The following RPL5 variants were observed in gnomAD, a reference collection of about 807,000 sequenced individuals.
RPL5 encodes ribosomal protein L5.
RPL5 carries 1 observed loss-of-function variant against 38.4 expected under a neutral mutation model. The observed-to-expected ratio is 0.03, with a 90% CI of 0.01 to 0.12. The LOEUF is 0.12. Among genes scored for constraint, RPL5 ranks in the 10% least tolerant of loss-of-function variants. The pLI is 1.00. For missense variants in RPL5, 243 were observed against 374.1 expected (o/e 0.65, Z 2.89); for synonymous variants, 109 against 121.2 (o/e 0.90, Z 0.66).
chr1:92,836,127 C>A, intron 4 of RPL5, 63 bp from the exon 5 acceptor site: 1 of 1,455,526 alleles, frequency 6.9e-7, no homozygotes, highest in Non-Finnish European at 9.6e-7. Context: ...ATGACATAAG[C>A]TATTTTAATT....
Position 92,836,221 on chromosome 1 carries a change from A to G in RPL5, c.356A>G (p.Tyr119Cys), listed in dbSNP as rs376960219. 1.4e-5 allele frequency: 22 copies of G among 1,612,886 alleles called. No individual in the cohort carries two copies. The highest frequency in any genetic ancestry group is 3.3e-5 in the Admixed American group (2 of 60,004). ...LLNRFGMDKIYEGQVEVTGDE... is the reference protein window; with the variant it reads ...LLNRFGMDKICEGQVEVTGDE... ...AATAGGTTTGGCATGGACAAGATCT[A>G]TGAAGGCCAAGTGGAGGTGACTGGT... Residue 119 changes from tyrosine (Y) to cysteine (C), a missense_variant, in exon 5 of 8, where the codon TAT becomes TGT. Transcript: ENST00000370321.
intron 5 of RPL5, chr1:92,837,221 T>C: frequency 1.4e-6 from 1 of 693,328 alleles, no homozygotes; most frequent in South Asian, 1.4e-5. Context: ...GTGGAAAGCC[T>C]TGGTAATGGC....
At chr1:92,840,987 T>C in intron 7 of RPL5, 1 of 404,032 alleles carries the variant, frequency 2.5e-6, no homozygotes, top group Non-Finnish European at 4.8e-6. Context: ...GGCCCACAAA[T>C]ACAATGTATA....
intron 7 of RPL5, 28 bp from the exon 8 acceptor site, chr1:92,841,738 A>G: frequency 6.7e-7 from 1 of 1,485,500 alleles, no homozygotes; most frequent in Non-Finnish European, 9.3e-7. Context: ...GTTATAGTTT[A>G]AAAAATATAT....
In RPL5 at chr1:92,836,213, C is replaced by G. The variant is rs1292370167; in HGVS notation, c.348C>G (p.Asp116Glu). 6.2e-7 allele frequency: 1 copy of G among 1,612,626 alleles called. No individual in the cohort carries two copies. The highest frequency in any genetic ancestry group is 1.1e-5 in the South Asian group (1 of 91,012). Residue 116 changes from aspartate to glutamate, a missense_variant, in exon 5 of 8, where the codon GAC becomes GAG. By Grantham distance (45) the Asp-to-Glu change is conservative (BLOSUM62 2). Transcript: ENST00000370321. Reference sequence around the variant, plus strand: ...AGCTTCTCAATAGGTTTGGCATGGACAAGATCTATGAAGGCCAAGTGGAGG... The same window carrying G: ...AGCTTCTCAATAGGTTTGGCATGGAGAAGATCTATGAAGGCCAAGTGGAGG... Reference protein sequence around the residue: ...ARRLLNRFGMDKIYEGQVEVT... With the variant: ...ARRLLNRFGMEKIYEGQVEVT...
intron 4 of RPL5, 178 bp downstream of exon 4, chr1:92,835,091 G>A: frequency 4.7e-6 from 4 of 850,338 alleles, no homozygotes; most frequent in Non-Finnish European, 7.4e-6. Flanking sequence ...AAAATTTTCT[G>A]CAATGACACA....
intron 1 of RPL5, 57 bp downstream of exon 1, chr1:92,832,174 C>T (rs1424617731): frequency 9.3e-6 from 15 of 1,610,530 alleles, no homozygotes; most frequent in African/African-American, 2.7e-5. Flanking sequence ...CTTTTCTTGC[C>T]CGTATGCCAG....
At chr1:92,832,307 G>T (rs539627770) in intron 1 of RPL5, 190 bp downstream of exon 1, 1 of 873,636 alleles carries the variant, frequency 1.1e-6, no homozygotes, top group Non-Finnish European at 1.8e-6. Context: ...AACTTGGGGG[G>T]AGGGGTTGGC....
At chr1:92,837,685 TTA>T (rs778959768) in intron 6 of RPL5, 52 bp downstream of exon 6, 1 of 1,497,596 alleles carries the variant, frequency 6.7e-7, no homozygotes, top group South Asian at 1.1e-5. Flanking sequence ...GGAAATAGGT[TTA>T]TTACTTGTTT....
chr1:92,832,212 G>A lies in RPL5; in HGVS notation c.3+95G>A, dbSNP rs992679960. On this transcript the variant is annotated intron_variant, in intron 1 of 7. Transcript: ENST00000370321. The stretch of plus-strand genomic sequence containing the variant: ...TAGGGCCCGTCTCGCGCGTCGCAGG[G>A]GCCGGATGGCGTTAGATTGCTAGCT... 55 of 1,571,822 alleles carry A rather than the reference G, an allele frequency of 3.5e-5. 2 individuals carry two copies. In the Admixed American group the frequency reaches 4.6e-4, roughly 13 times the overall value.
At chr1:92,832,271 C>A in intron 1 of RPL5, 154 bp downstream of exon 1, 1 of 1,246,936 alleles carries the variant, frequency 8.0e-7, no homozygotes. Context: ...CCAGCGTGGC[C>A]TTAAATGGCT....
rs574546327 is a variant in RPL5, at chr1:92,834,896, C to T, written c.307C>T (p.Leu103=). 3 of 1,602,168 alleles carry T rather than the reference C, an allele frequency of 1.9e-6. No individual in the cohort carries two copies. The Admixed American group carries it at 5.0e-5, about 27-fold the overall frequency. The change falls in exon 4 of 8, where the codon CTG becomes TTG. Residue 103 remains leucine (L), a synonymous_variant. Transcript: ENST00000370321. Reference sequence around the variant, plus strand: ...TTATGCTGCAGCATATTGTACTGGCCTGCTGCTGGCCCGCAGGGTATGTAC... The same window carrying T: ...TTATGCTGCAGCATATTGTACTGGCTTGCTGCTGGCCCGCAGGGTATGTAC... ...TNYAAAYCTG[L]LLARRLLNRF...
At chr1:92,841,277 G>A (rs916214013) in intron 7 of RPL5, among the ~76,000 whole-genome samples, 1 of 152,126 alleles carries the variant, frequency 6.6e-6, no homozygotes, top group Non-Finnish European at 1.5e-5. Flanking sequence ...TGAAGTATTT[G>A]TCTTTTTGTG....
intron 4 of RPL5, chr1:92,835,149 T>C (rs547759190): frequency 1.7e-6 from 1 of 583,264 alleles, no homozygotes; most frequent in African/African-American, 1.9e-5. Context: ...GACCTGCAGC[T>C]GTTGAGTTCC....
At chr1:92,836,501 G>A in intron 5 of RPL5, 109 bp downstream of exon 5, 1 of 968,116 alleles carries the variant, frequency 1.0e-6, no homozygotes, top group Non-Finnish European at 1.6e-6. Context: ...TTGAATGCCT[G>A]CTGTATGCCT....
rs189107197 is a variant in RPL5 at position 92,832,130 on chromosome 1, C to T, written c.3+13C>T. 2.8e-4 allele frequency: 448 copies of T among 1,614,058 alleles called. 1 individual carries two copies. The African/African-American group carries it at 5.4e-3, about 20-fold the overall frequency. Reference sequence around the variant, plus strand: ...GTTCCGCAGGATGGTGAGTGGATGCCTCGGTCTCGGGGCTTTAGATGCATG... The same window carrying T: ...GTTCCGCAGGATGGTGAGTGGATGCTTCGGTCTCGGGGCTTTAGATGCATG... On this transcript the variant is annotated intron_variant, in intron 1 of 7. Transcript: ENST00000370321.
intron 1 of RPL5, chr1:92,832,833 C>G (rs1265252538): frequency 5.0e-6 from 3 of 599,584 alleles, no homozygotes; most frequent in Admixed American, 5.8e-5. Context: ...TGAATGTGCT[C>G]TTGCCCAGTT....
At chr1:92,838,771 C>G (rs1345893941) in intron 6 of RPL5, among the ~76,000 whole-genome samples, 1 of 152,166 alleles carries the variant, frequency 6.6e-6, no homozygotes, top group Non-Finnish European at 1.5e-5. Flanking sequence ...ATGAAGTCAT[C>G]AAATGGATTT....
chr1:92,840,683 A>C (rs1687321846), intron 7 of RPL5, 44 bp downstream of exon 7: 1 of 1,425,606 alleles, frequency 7.0e-7, no homozygotes, highest in Non-Finnish European at 9.8e-7. Context: ...ACAGGTTGGG[A>C]ATGGTTCCCA....
Sources: gnomAD v4.1 joint callset for allele counts (sites outside exome capture counted in the v4.1 genomes callset) on GRCh38, gnomAD v4.1.1 for gene constraint, MANE v1.5 for transcripts, NCBI Gene and HGNC (gene_info 2026-07-23, HGNC 2026-07-21) for gene names.